The following SEC14L5 variants were observed in gnomAD, a reference collection of about 807,000 sequenced individuals.
The protein encoded by SEC14L5 is SEC14-like protein 5.
A neutral mutation model predicts 84.6 loss-of-function variants in SEC14L5; 96 were observed. That is an observed-to-expected ratio of 1.13 (90% CI 0.96 to 1.34). The LOEUF (loss-of-function observed/expected upper bound fraction) is 1.34. Among genes scored for constraint, SEC14L5 ranks in the 40% most tolerant of loss-of-function variants. The probability of loss-of-function intolerance (pLI) is 0.00; values close to 1 mark genes in which losing one functional copy is unlikely to be tolerated. For synonymous variants in SEC14L5, 546 were observed against 383.4 expected, an observed-to-expected ratio of 1.42 and a Z score of -4.95; for missense variants, 1,224 against 942.5, an observed-to-expected ratio of 1.30 and a Z score of -3.91.
chr16:4,995,465 G>C (rs917208976), intron 6 of SEC14L5, among the ~76,000 whole-genome samples: 1 of 152,172 alleles, frequency 6.6e-6, no homozygotes, highest in African/African-American at 2.4e-5. Context: ...GTTAAAAGCT[G>C]CTGTCTGTCA....
At chr16:4,959,112 G>A in intron 1 of SEC14L5, 161 bp from the exon 2 acceptor site, 1 of 592,796 alleles carries the variant, frequency 1.7e-6, no homozygotes, top group Non-Finnish European at 3.0e-6. Context: ...GGAAGCTGTT[G>A]GGGCTTGGCC....
chr16:4,992,218 G>A (rs2142508049), intron 6 of SEC14L5, among the ~76,000 whole-genome samples, 188 bp downstream of exon 6: 1 of 152,334 alleles, frequency 6.6e-6, no homozygotes, highest in Admixed American at 6.5e-5. Context: ...TGGTCCAAGA[G>A]CAGAACTCAT....
chr16:4,994,986 C>T (rs1955594248), intron 6 of SEC14L5, among the ~76,000 whole-genome samples: 1 of 152,158 alleles, frequency 6.6e-6, no homozygotes, highest in African/African-American at 2.4e-5. Flanking sequence ...ATCCTCACTC[C>T]CTCCCTGATT....
chr16:5,000,735 C>T lies in SEC14L5; in HGVS notation c.1051C>T (p.Leu351=), dbSNP rs752914088. 1.3e-6 allele frequency: 2 copies of T among 1,552,772 alleles called. No homozygotes were observed. Among genetic ancestry groups the T allele is most frequent in the South Asian group, 1.2e-5 (1 of 84,146 alleles). Residue 351 remains leucine, a synonymous_variant, in exon 9 of 16, where the codon CTG becomes TTG. Transcript: ENST00000251170. ...GAAGGCCGTGGGGGAGGAGGCGCTG[C>T]TGCGGCATGTGAGTCAGGGGCCTCG... ...LMKAVGEEAL[L]RHVLSVNEEG... is the part of the protein sequence containing the mutation.
At chr16:5,000,796 G>T (rs963328463) in intron 9 of SEC14L5, 53 bp downstream of exon 9, 1 of 1,564,250 alleles carries the variant, frequency 6.4e-7, no homozygotes, top group Non-Finnish European at 8.7e-7. Context: ...GGCCTGGGAA[G>T]GACTGTGTGG....
chr16:4,969,632 C>T (rs959814207), intron 2 of SEC14L5, among the ~76,000 whole-genome samples: 1 of 152,174 alleles, frequency 6.6e-6, no homozygotes, highest in Non-Finnish European at 1.5e-5. Context: ...GATCCACCCA[C>T]CTTGGCCTCC....
chr16:4,997,359 CA>C (rs903329833), intron 8 of SEC14L5, among the ~76,000 whole-genome samples: 2 of 152,230 alleles, frequency 1.3e-5, no homozygotes, highest in African/African-American at 2.4e-5. Flanking sequence ...CTTAGACTCC[CA>C]AAGTGTTGGG....
chr16:4,990,510 G>T (rs1214559271), intron 4 of SEC14L5, among the ~76,000 whole-genome samples: 1 of 152,232 alleles, frequency 6.6e-6, no homozygotes, highest in African/African-American at 2.4e-5. Context: ...GTATAATATT[G>T]AAAGGGCAGG....
chr16:5,010,358 C>T (rs547946953), intron 14 of SEC14L5, among the ~76,000 whole-genome samples: 7 of 151,396 alleles, frequency 4.6e-5, no homozygotes, highest in South Asian at 2.1e-4. Flanking sequence ...AGTGAAACTC[C>T]GTCTCAGAAA....
At chr16:4,964,322 C>T (rs62038630) in intron 2 of SEC14L5, among the ~76,000 whole-genome samples, 23,661 of 152,058 alleles carry the variant, frequency 0.16, 1,955 homozygotes, top group Middle Eastern at 0.21. Context: ...GGCATGGTGG[C>T]TCACACCTGT....
intron 2 of SEC14L5, among the ~76,000 whole-genome samples, chr16:4,969,211 A>C (rs1955243887): frequency 6.6e-6 from 1 of 152,252 alleles, no homozygotes; most frequent in African/African-American, 2.4e-5. Context: ...CCCTGAAATA[A>C]GTGTAAGGCC....
intron 4 of SEC14L5, among the ~76,000 whole-genome samples, chr16:4,989,722 C>CT (rs1955532003): frequency 6.6e-6 from 1 of 152,206 alleles, no homozygotes. Context: ...TTCAGATCTT[C>CT]TGGGGAGGGG....
At chr16:4,975,204 T>C (rs1955325933) in intron 2 of SEC14L5, among the ~76,000 whole-genome samples, 1 of 151,936 alleles carries the variant, frequency 6.6e-6, no homozygotes, top group Non-Finnish European at 1.5e-5. Flanking sequence ...AGACATTATT[T>C]TGTCACGCCT....
chr16:4,981,214 A>T (rs1016426271), intron 2 of SEC14L5, among the ~76,000 whole-genome samples: 2 of 142,512 alleles, frequency 1.4e-5, no homozygotes, highest in Middle Eastern at 4.2e-3. Flanking sequence ...CCTCCCTAGT[A>T]GCTGGGATTA....
At chr16:4,965,466 C>T (rs1955187055) in intron 2 of SEC14L5, among the ~76,000 whole-genome samples, 1 of 149,108 alleles carries the variant, frequency 6.7e-6, no homozygotes, top group Admixed American at 6.7e-5. Flanking sequence ...TCGAGACCAT[C>T]CTGGCTAACA....
At chr16:5,012,404 C>T (rs1955815899) in intron 15 of SEC14L5, among the ~76,000 whole-genome samples, 1 of 152,190 alleles carries the variant, frequency 6.6e-6, no homozygotes, top group Non-Finnish European at 1.5e-5. Context: ...GCCCTGTCCT[C>T]TTGTAGCCTC....
chr16:4,999,937 T>A (rs538176251), intron 8 of SEC14L5, among the ~76,000 whole-genome samples: 16 of 151,456 alleles, frequency 1.1e-4, no homozygotes, highest in African/African-American at 3.9e-4. Context: ...ATCAACCAAC[T>A]AACAAACCAA....
chr16:5,001,554 C>T (rs1955678662), intron 10 of SEC14L5, among the ~76,000 whole-genome samples: 2 of 152,130 alleles, frequency 1.3e-5, no homozygotes, highest in African/African-American at 4.8e-5. Flanking sequence ...CCACCACTCA[C>T]AGCCTGACTT....
chr16:4,995,517 A>C (rs1430459052), intron 6 of SEC14L5, among the ~76,000 whole-genome samples: 1 of 152,128 alleles, frequency 6.6e-6, no homozygotes, highest in African/African-American at 2.4e-5. Flanking sequence ...AAGCAAAGAG[A>C]ACTGGTGTTT....
Sources: allele counts gnomAD v4.1 joint callset (sites outside exome capture counted in the v4.1 genomes callset), GRCh38; gene constraint gnomAD v4.1.1; transcripts MANE v1.5; gene names NCBI Gene and HGNC (gene_info 2026-07-23, HGNC 2026-07-21).